MAP3K19: variants seen among roughly 807,000 people sequenced by gnomAD.
The protein encoded by MAP3K19 is mitogen-activated protein kinase kinase kinase 19, also known as SPS1/STE20-related protein kinase YSK4.
A neutral mutation model predicts 114.4 loss-of-function variants in MAP3K19; 91 were observed. That is an observed-to-expected ratio of 0.80 (90% confidence interval 0.67 to 0.95). The LOEUF is 0.95. Among genes scored for constraint, MAP3K19 ranks in the 40% least tolerant of loss-of-function variants. The pLI, the probability that MAP3K19 is intolerant of heterozygous loss-of-function variation, is 0.00. For missense variants in MAP3K19, 1,471 were observed against 1,573.2 expected (o/e 0.94, Z 1.10); for synonymous variants, 518 against 530.5 (o/e 0.98, Z 0.32).
chr2:135,016,016 T>C (rs1418883120), intron 5 of MAP3K19, among the ~76,000 whole-genome samples: 1 of 152,070 alleles, frequency 6.6e-6, no homozygotes, highest in African/African-American at 2.4e-5. Context: ...TTTGGGAGGA[T>C]GAGGCAGGGA....
At chr2:134,982,222 G>A (rs1318409576) in intron 11 of MAP3K19, among the ~76,000 whole-genome samples, 2 of 144,832 alleles carry the variant, frequency 1.4e-5, no homozygotes, top group African/African-American at 5.2e-5. Context: ...GGGCTCAAGC[G>A]ATCCTCCTGC....
At position 135,021,775 on chromosome 2, in the gene MAP3K19, A is replaced by G. The variant is rs1452467507; in HGVS notation, c.78T>C (p.Thr26=). Residue 26 remains threonine (T), a synonymous_variant, in exon 5 of 13, where the codon ACT becomes ACC. Coordinates refer to ENST00000392915, the MANE Select transcript of MAP3K19 (RefSeq NM_025052.5). Reference sequence around the variant, plus strand: ...GATTTTTGGTAACTGTCATCAAATCAGTTGGAGAAGAGTTTGTATCATGAC... The same window carrying G: ...GATTTTTGGTAACTGTCATCAAATCGGTTGGAGAAGAGTTTGTATCATGAC... The part of the protein sequence containing the change: ...DICHDTNSSP[T]DLMTVTKNQN... 1.2e-6 allele frequency: 2 copies of G among 1,612,838 alleles called. No individual in the cohort carries two copies. The highest frequency in any genetic ancestry group is 2.7e-5 in the African/African-American group (2 of 74,900).
At chr2:135,008,330 C>T (rs1686981447) in intron 5 of MAP3K19, among the ~76,000 whole-genome samples, 1 of 152,152 alleles carries the variant, frequency 6.6e-6, no homozygotes, top group Admixed American at 6.6e-5. Flanking sequence ...ACCATGCTGG[C>T]CAGGCTGGTC....
chr2:135,005,573 G>C, intron 5 of MAP3K19, 42 bp from the exon 6 acceptor site: 1 of 1,468,552 alleles, frequency 6.8e-7, no homozygotes, highest in East Asian at 2.3e-5. Context: ...TTAGTTATTC[G>C]ATGTACCAGT....
chr2:134,971,566 G>A (rs974556180), intron 12 of MAP3K19, among the ~76,000 whole-genome samples: 3 of 152,046 alleles, frequency 2.0e-5, no homozygotes, highest in Non-Finnish European at 4.4e-5. Flanking sequence ...GCTTTTCTTT[G>A]TTAGGAGATA....
chr2:135,046,009 C>G (rs2104804929), intron 1 of MAP3K19, among the ~76,000 whole-genome samples: 1 of 152,300 alleles, frequency 6.6e-6, no homozygotes, highest in Non-Finnish European at 1.5e-5. Context: ...ACTGCAGCCT[C>G]AAACTCCTAG....
chr2:134,972,335 T>C (rs1186432734), intron 12 of MAP3K19, among the ~76,000 whole-genome samples: 1 of 152,208 alleles, frequency 6.6e-6, no homozygotes, highest in East Asian at 1.9e-4. Context: ...ATCCCACAAA[T>C]AAGTGAGGAC....
At chr2:134,967,277 G>T (rs12471705) in intron 12 of MAP3K19, among the ~76,000 whole-genome samples, 20,758 of 152,194 alleles carry the variant, frequency 0.14, 1,499 homozygotes, top group Admixed American at 0.19. Flanking sequence ...TTCTCCCCAT[G>T]TGATAGTCTG....
intron 5 of MAP3K19, among the ~76,000 whole-genome samples, chr2:135,007,405 A>G (rs2105321276): frequency 6.6e-6 from 1 of 152,318 alleles, no homozygotes; most frequent in East Asian, 1.9e-4. Flanking sequence ...CATCACATCA[A>G]GCATTTATCC....
chr2:134,971,210 G>C lies in MAP3K19; in HGVS notation c.3921-6294C>G, dbSNP rs139653894. On this transcript the variant is annotated intron_variant, in intron 12 of 12. Coordinates refer to ENST00000392915, the MANE Select transcript of MAP3K19 (RefSeq NM_025052.5). ...TTGTCCTTCATTCTGTTAATGTGAT[G>C]TATCATGTTTATTGATTTGTGCATG... is the stretch of plus-strand genomic sequence containing the variant. 3.2e-4 allele frequency among the ~76,000 whole-genome samples: 48 copies of C among 152,288 alleles called. 1 individual carries two copies. Among genetic ancestry groups the C allele is most frequent in the African/African-American group, 1.0e-3 (43 of 41,560 alleles).
chr2:135,025,543 G>A (rs1347834467), intron 3 of MAP3K19, among the ~76,000 whole-genome samples: 1 of 151,934 alleles, frequency 6.6e-6, no homozygotes, highest in East Asian at 1.9e-4. Flanking sequence ...CCGCCACCAT[G>A]CCCGGCTAAT....
intron 12 of MAP3K19, among the ~76,000 whole-genome samples, chr2:134,968,465 T>G (rs369399181): frequency 1.5e-5 from 2 of 130,308 alleles, no homozygotes; most frequent in Non-Finnish European, 3.2e-5. Flanking sequence ...ACCTCCCGGA[T>G]GGGGTGGCTG....
At chr2:135,005,410 C>T (rs7606415) in intron 6 of MAP3K19, 25 bp downstream of exon 6, 253,029 of 1,514,358 alleles carry the variant, frequency 0.17, 30,153 homozygotes, top group African/African-American at 0.41. Flanking sequence ...TCTTTGTAAA[C>T]ACATCAAGGA....
In MAP3K19 at chr2:134,986,568, C is replaced by A; in HGVS notation, c.2304G>T (p.Gln768His). The change falls in exon 10 of 13, where the codon CAG becomes CAT. Residue 768 changes from glutamine to histidine, a missense_variant. Physicochemically the swap from Gln to His is conservative, Grantham distance 24 (BLOSUM62 0). Coordinates refer to ENST00000392915, the MANE Select transcript of MAP3K19 (RefSeq NM_025052.5). The stretch of plus-strand genomic sequence containing the variant: ...GAAACTCATTTCCTGAAGACTTTAT[C>A]TGCCAGTCTGGTTCTGAAATACCAT... ...NGDGISEPDW[Q>H]IKSSGNEFLS... 6.2e-7 allele frequency: 1 copy of A among 1,614,174 alleles called. No homozygotes were observed. Among genetic ancestry groups the A allele is most frequent in the Non-Finnish European group, 8.5e-7 (1 of 1,180,036 alleles).
intron 4 of MAP3K19, 110 bp downstream of exon 4, chr2:135,024,516 C>T (rs959460166): frequency 5.7e-5 from 57 of 996,826 alleles, no homozygotes; most frequent in Non-Finnish European, 8.5e-5. Flanking sequence ...CATAAATAGC[C>T]GTGGACTTGA....
intron 3 of MAP3K19, among the ~76,000 whole-genome samples, chr2:135,029,293 G>A (rs1041373687): frequency 2.0e-5 from 3 of 152,094 alleles, no homozygotes; most frequent in African/African-American, 4.8e-5. Context: ...GGAGAATGGC[G>A]TGAACCCGGG....
At chr2:135,002,894 G>A (rs1016541722) in intron 6 of MAP3K19, among the ~76,000 whole-genome samples, 2 of 152,146 alleles carry the variant, frequency 1.3e-5, no homozygotes, top group African/African-American at 4.8e-5. Flanking sequence ...TCCTGTTATG[G>A]ACTGGATGTT....
chr2:135,016,761 T>C (rs1165246048), intron 5 of MAP3K19, among the ~76,000 whole-genome samples: 1 of 152,248 alleles, frequency 6.6e-6, no homozygotes, highest in Non-Finnish European at 1.5e-5. Context: ...TAGCTTACAA[T>C]GGTATTTTTA....
rs556999303 is a variant in MAP3K19 at position 135,017,459 on chromosome 2, G to C, written c.138+4256C>G. On this transcript the variant is annotated intron_variant, in intron 5 of 12. Transcript: ENST00000392915. The stretch of plus-strand genomic sequence containing the variant: ...AGACCTGATTCCCATCTTTCACTTT[G>C]TATGTTGTTACTAAGTCCAGAATTC... Among the ~76,000 whole-genome samples, 9 of 152,202 alleles carry C rather than the reference G, an allele frequency of 5.9e-5. No individual in the cohort carries two copies. The East Asian group carries it at 1.7e-3, about 29-fold the overall frequency.
Sources: allele counts gnomAD v4.1 joint callset (sites outside exome capture counted in the v4.1 genomes callset), GRCh38; gene constraint gnomAD v4.1.1; transcripts MANE v1.5; gene names NCBI Gene and HGNC (gene_info 2026-07-23, HGNC 2026-07-21).